Variants in ZPBP observed in about 807,000 individuals in gnomAD.
The protein encoded by ZPBP is zona pellucida binding protein, also known as zona pellucida-binding protein 1.
A neutral mutation model predicts 44.8 loss-of-function variants in ZPBP; 26 were observed. The ratio of observed to expected loss-of-function variants is 0.58; its 90% CI spans 0.43 to 0.81. The LOEUF (loss-of-function observed/expected upper bound fraction) is 0.81. ZPBP is among the 30% of genes least tolerant of loss of function. ZPBP has a pLI of 0.00. For synonymous variants in ZPBP, 174 were observed against 153.2 expected (o/e 1.14, Z -1.00); for missense variants, 409 against 434.0 (o/e 0.94, Z 0.51).
At chr7:49,936,200 G>A (rs930433408), downstream of ZPBP, 1 of 152,152 alleles carries the variant, frequency 6.6e-6, no homozygotes, top group Non-Finnish European at 1.5e-5. Context: ...CACCCGAACA[G>A]TGTAATGTGA....
intron 6 of ZPBP, among the ~76,000 whole-genome samples, chr7:50,008,543 A>T (rs571573995): frequency 1.3e-5 from 2 of 152,168 alleles, no homozygotes; most frequent in South Asian, 4.1e-4. Context: ...ATGAAATCTC[A>T]TGAGACCCTT....
chr7:49,868,037 T>C (rs1790987698), intron 2 of ZPBP, among the ~76,000 whole-genome samples: 1 of 152,140 alleles, frequency 6.6e-6, no homozygotes, highest in Non-Finnish European at 1.5e-5. Flanking sequence ...TTTCACCATA[T>C]TGACCAGGCT....
chr7:49,872,889 C>G (rs1315234122), intron 2 of ZPBP, among the ~76,000 whole-genome samples: 1 of 105,122 alleles, frequency 9.5e-6, no homozygotes, highest in Admixed American at 1.4e-4. Context: ...GCACTCCAGC[C>G]TGGGAGACAG....
intron 4 of ZPBP, among the ~76,000 whole-genome samples, chr7:50,040,986 C>T (rs1233437920): frequency 2.0e-5 from 3 of 152,128 alleles, no homozygotes; most frequent in Admixed American, 6.5e-5. Context: ...GGGCATCTGC[C>T]ATTACTGAGG....
chr7:49,845,458 C>G (rs1252608787), downstream of ZPBP, among the ~76,000 whole-genome samples: 1 of 152,048 alleles, frequency 6.6e-6, no homozygotes, highest in Admixed American at 6.6e-5. Context: ...GATAGCAAAC[C>G]CTTGACATTT....
chr7:49,981,379 TA>T (rs555429388), intron 7 of ZPBP, among the ~76,000 whole-genome samples: 3 of 2,106 alleles, frequency 1.4e-3, no homozygotes, highest in Non-Finnish European at 1.4e-3. Flanking sequence ...ATATATATTA[TA>T]TATAATTATA....
At chr7:49,937,433 A>ATATGATTTTTTGT, downstream of ZPBP, 1 of 973,312 alleles carries the variant, frequency 1.0e-6, no homozygotes, top group Non-Finnish European at 1.6e-6. Context: ...TTTTTTTGTA[A>ATATGATTTTTTGT]AATATGATTA....
intron 1 of ZPBP, among the ~76,000 whole-genome samples, chr7:49,911,431 G>A (rs532090526): frequency 9.8e-5 from 13 of 132,296 alleles, no homozygotes; most frequent in Admixed American, 9.7e-4. Flanking sequence ...GCAGTGAGCC[G>A]AGATCGTGCC....
intron 5 of ZPBP, among the ~76,000 whole-genome samples, chr7:50,026,484 G>A (rs1031397311): frequency 2.6e-5 from 4 of 151,768 alleles, no homozygotes; most frequent in African/African-American, 9.7e-5. Context: ...TACTTCACAA[G>A]TACACATGAA....
chr7:50,068,389 G>C (rs1328105140), intron 3 of ZPBP, among the ~76,000 whole-genome samples: 2 of 151,556 alleles, frequency 1.3e-5, no homozygotes, highest in Admixed American at 6.6e-5. Context: ...GCAGGTGCAG[G>C]GGGTCTTGGG....
intron 7 of ZPBP, among the ~76,000 whole-genome samples, chr7:49,948,293 G>T (rs536062733): frequency 6.6e-6 from 1 of 152,166 alleles, no homozygotes; most frequent in Admixed American, 6.5e-5. Context: ...ATCACTGGAG[G>T]GTTCTATTTG....
intron 7 of ZPBP, among the ~76,000 whole-genome samples, chr7:49,961,558 T>A (rs529430907): frequency 6.6e-6 from 1 of 152,134 alleles, no homozygotes; most frequent in Non-Finnish European, 1.5e-5. Flanking sequence ...GTCAAGTCAC[T>A]AAACTGTAAA....
chr7:49,956,642 T>A (rs1410728915), intron 7 of ZPBP, among the ~76,000 whole-genome samples: 1 of 150,452 alleles, frequency 6.6e-6, no homozygotes, highest in Non-Finnish European at 1.5e-5. Flanking sequence ...ATAAAAGACC[T>A]AAAAAAAAAT....
chr7:49,989,996 G>C (rs1463233916), intron 6 of ZPBP, among the ~76,000 whole-genome samples: 5 of 152,066 alleles, frequency 3.3e-5, no homozygotes, highest in African/African-American at 1.2e-4. Flanking sequence ...CAATTTTACA[G>C]CTTCACCTTA....
At chr7:49,898,513 G>T (rs1433222759) in intron 2 of ZPBP, among the ~76,000 whole-genome samples, 1 of 151,926 alleles carries the variant, frequency 6.6e-6, no homozygotes, top group Non-Finnish European at 1.5e-5. Flanking sequence ...ACTTTTGAAA[G>T]TTAATTCTGC....
intron 1 of ZPBP, among the ~76,000 whole-genome samples, chr7:49,931,296 G>C (rs1281946964): frequency 6.6e-6 from 1 of 152,212 alleles, no homozygotes; most frequent in East Asian, 1.9e-4. Flanking sequence ...AACGGGCAGA[G>C]GTTGGGACAG....
intron 1 of ZPBP, chr7:49,916,170 T>C (rs941094611): frequency 6.6e-6 from 1 of 152,234 alleles, no homozygotes; most frequent in African/African-American, 2.4e-5. Flanking sequence ...GTTTTCTAAA[T>C]GTAGATCTAG....
intron 6 of ZPBP, among the ~76,000 whole-genome samples, chr7:50,017,963 A>C (rs1207498432): frequency 6.6e-6 from 1 of 152,154 alleles, no homozygotes; most frequent in Non-Finnish European, 1.5e-5. Context: ...CTGAATAATA[A>C]CTATAAATTA....
intron 2 of ZPBP, among the ~76,000 whole-genome samples, chr7:49,885,508 C>T (rs910850019): frequency 6.6e-6 from 1 of 151,514 alleles, no homozygotes; most frequent in Admixed American, 6.6e-5. Flanking sequence ...AGGTAAAACT[C>T]GTTATATAAT....
Sources: allele counts gnomAD v4.1 joint callset (sites outside exome capture counted in the v4.1 genomes callset), GRCh38; gene constraint gnomAD v4.1.1; transcripts MANE v1.5; gene names NCBI Gene and HGNC (gene_info 2026-07-23, HGNC 2026-07-21).